The following CTNNA1 variants were observed in gnomAD, a reference collection of about 807,000 sequenced individuals.
The protein encoded by CTNNA1 is catenin alpha-1.
In CTNNA1, 37 loss-of-function variants were observed where a neutral mutation model predicts 98.4. That is an observed-to-expected ratio of 0.38 (90% CI 0.29 to 0.49). CTNNA1 has a LOEUF of 0.49. CTNNA1 is among the 20% of genes least tolerant of loss of function. The pLI, the probability that CTNNA1 is intolerant of heterozygous loss-of-function variation, is 0.95. For synonymous variants in CTNNA1, 404 were observed against 413.2 expected (o/e 0.98, Z 0.27); for missense variants, 761 against 1,147.2 (o/e 0.66, Z 4.86).
chr5:138,930,807 C>A (rs1765138950), intron 15 of CTNNA1, 23 bp from the exon 16 acceptor site: 4 of 1,559,094 alleles, frequency 2.6e-6, no homozygotes, highest in Non-Finnish European at 3.5e-6. Context: ...TACAATAATC[C>A]TTGTTCTCTT....
intron 13 of CTNNA1, among the ~76,000 whole-genome samples, chr5:138,928,985 T>G (rs1385816883): frequency 6.6e-6 from 1 of 151,142 alleles, no homozygotes; most frequent in Non-Finnish European, 1.5e-5. Flanking sequence ...GTGAATTGAC[T>G]CAGTGATAGC....
chr5:138,765,167 A>G (rs1009786788), intron 1 of CTNNA1, among the ~76,000 whole-genome samples: 1 of 151,734 alleles, frequency 6.6e-6, no homozygotes, highest in African/African-American at 2.4e-5. Context: ...CAGCCTCCCA[A>G]ATAGCTGGGA....
At chr5:138,781,762 G>A (rs1755141118) in intron 1 of CTNNA1, among the ~76,000 whole-genome samples, 161 bp from the exon 2 acceptor site, 1 of 152,084 alleles carries the variant, frequency 6.6e-6, no homozygotes, top group Non-Finnish European at 1.5e-5. Context: ...TTAAGAGGTT[G>A]TAAGGTTTAC....
At position 138,826,261 on chromosome 5, in the gene CTNNA1, A is replaced by C. The variant is rs528719410; in HGVS notation, c.859-1254A>C. On this transcript the variant is annotated intron_variant, in intron 6 of 17. Transcript: ENST00000302763. ...GAAGGGAAGGAAGAAATGTATACTT[A>C]TTGGAAAAGGGCAAGGTTTTGGTAG... Among the ~76,000 whole-genome samples, 3 of 152,364 alleles carry C rather than the reference A, an allele frequency of 2.0e-5. No individual in the cohort carries two copies. The East Asian group carries it at 5.8e-4, about 29-fold the overall frequency.
At chr5:138,836,047 C>T (rs59562910) in intron 7 of CTNNA1, among the ~76,000 whole-genome samples, 3,480 of 152,188 alleles carry the variant, frequency 0.023, 133 homozygotes, top group African/African-American at 0.081. Flanking sequence ...GATGGGGTTC[C>T]GTGCTATTGG....
Position 138,873,270 on chromosome 5 carries a change from A to G in CTNNA1, c.1063-12942A>G, listed in dbSNP as rs369875630. ...AAAATAATAAAAAAGAAAGAAAACAATAAAGCCATTGTTCCCGTAATTACC... is the reference window on the plus strand; with the variant it reads ...AAAATAATAAAAAAGAAAGAAAACAGTAAAGCCATTGTTCCCGTAATTACC... On this transcript the variant is annotated intron_variant, in intron 7 of 17. Coordinates refer to ENST00000302763, the MANE Select transcript of CTNNA1 (RefSeq NM_001903.5). The surrounding 1 kb of genome is among the most constrained non-coding windows in gnomAD (Gnocchi z 6.1). 4.2e-5 allele frequency: 68 copies of G among 1,613,862 alleles called. No homozygotes were observed. The highest frequency in any genetic ancestry group is 5.4e-5 in the Non-Finnish European group (64 of 1,179,862).
chr5:138,875,005 C>T, intron 7 of CTNNA1: 1 of 1,287,046 alleles, frequency 7.8e-7, no homozygotes, highest in Non-Finnish European at 1.1e-6. Context: ...AGCCTTTGAC[C>T]AGTTTCCTGT....
At chr5:138,842,446 A>G (rs999853021) in intron 7 of CTNNA1, among the ~76,000 whole-genome samples, 7 of 152,190 alleles carry the variant, frequency 4.6e-5, no homozygotes, top group African/African-American at 1.7e-4. Flanking sequence ...TGTATATAGG[A>G]AAATTGTTTG....
intron 5 of CTNNA1, among the ~76,000 whole-genome samples, chr5:138,819,598 G>C (rs1759808277): frequency 6.6e-6 from 1 of 152,146 alleles, no homozygotes; most frequent in African/African-American, 2.4e-5. Flanking sequence ...TCCAGGCACT[G>C]ATTCCTTGGG....
At chr5:138,876,518 C>T (rs1751568259) in intron 7 of CTNNA1, among the ~76,000 whole-genome samples, 1 of 152,210 alleles carries the variant, frequency 6.6e-6, no homozygotes, top group African/African-American at 2.4e-5. Flanking sequence ...GTTATATTTT[C>T]AGGCCTGACA....
intron 10 of CTNNA1, among the ~76,000 whole-genome samples, chr5:138,905,980 G>T (rs1245216130): frequency 2.6e-5 from 4 of 152,160 alleles, no homozygotes; most frequent in African/African-American, 4.8e-5. Flanking sequence ...GCTATGTTAT[G>T]TCTGCAACCA....
rs1423425556 is a variant in CTNNA1, at chr5:138,817,392, T to A, written c.588+5090T>A. Among the ~76,000 whole-genome samples the A allele has an allele frequency of 2.6e-5, 4 of 152,206 alleles. No homozygotes were observed. The East Asian group carries it at 7.7e-4, about 29-fold the overall frequency. ...TGGGTGTATAACTACCCACTAATTA[T>A]AACTACTTTTTTGATTCAATCTCTT... On this transcript the variant is annotated intron_variant, in intron 5 of 17. Transcript: ENST00000302763.
chr5:138,850,208 T>C (rs559987857), intron 7 of CTNNA1, among the ~76,000 whole-genome samples: 1 of 152,366 alleles, frequency 6.6e-6, no homozygotes, highest in South Asian at 2.1e-4. Context: ...GGCCAAACCA[T>C]CCGCAATTTG....
chr5:138,846,356 C>T (rs747062846), intron 7 of CTNNA1, among the ~76,000 whole-genome samples: 26 of 152,282 alleles, frequency 1.7e-4, no homozygotes, highest in Non-Finnish European at 2.1e-4. Context: ...AAATTGTACA[C>T]TATCAATGGG....
chr5:138,883,255 A>T (rs1424000845), intron 7 of CTNNA1, among the ~76,000 whole-genome samples: 2 of 152,158 alleles, frequency 1.3e-5, no homozygotes, highest in Non-Finnish European at 2.9e-5. Flanking sequence ...CATCTCTATT[A>T]CATTTTAAAT....
intron 1 of CTNNA1, among the ~76,000 whole-genome samples, chr5:138,763,692 C>T (rs559742584): frequency 6.6e-5 from 10 of 152,160 alleles, no homozygotes; most frequent in Non-Finnish European, 1.3e-4. Context: ...TATGATGGTG[C>T]AGTGAATAAG....
chr5:138,920,467 G>T (rs1762700213), intron 11 of CTNNA1, among the ~76,000 whole-genome samples: 1 of 152,208 alleles, frequency 6.6e-6, no homozygotes, highest in Admixed American at 6.5e-5. Flanking sequence ...GTGCTTTGGT[G>T]GACCCATAGT....
intron 3 of CTNNA1, among the ~76,000 whole-genome samples, chr5:138,801,312 A>T (rs181623544): frequency 6.6e-6 from 1 of 152,312 alleles, no homozygotes; most frequent in East Asian, 1.9e-4. Flanking sequence ...TTTCTGTGAT[A>T]GGTTTGTGTA....
intron 7 of CTNNA1, chr5:138,880,779 T>C: frequency 3.3e-6 from 1 of 299,424 alleles, no homozygotes; most frequent in East Asian, 8.1e-5. Flanking sequence ...TCAATTTTAG[T>C]GGACTCTCTG....
Sources: allele counts gnomAD v4.1 joint callset (sites outside exome capture counted in the v4.1 genomes callset), GRCh38; gene constraint gnomAD v4.1.1; non-coding constraint Gnocchi (gnomAD v3.1); transcripts MANE v1.5; gene names NCBI Gene and HGNC (gene_info 2026-07-23, HGNC 2026-07-21).